The following SLC13A5 variants were observed in gnomAD, a reference collection of about 807,000 sequenced individuals.
The protein encoded by SLC13A5 is solute carrier family 13 member 5, also known as Na(+)/citrate cotransporter.
In SLC13A5, 25 loss-of-function variants were observed where a neutral mutation model predicts 56.5. That is an observed-to-expected ratio of 0.44 (90% CI 0.32 to 0.62). SLC13A5 has a LOEUF of 0.62. SLC13A5 is among the 20% of genes least tolerant of loss of function. The pLI is 0.04. For synonymous variants in SLC13A5, 307 were observed against 301.5 expected (o/e 1.02, Z -0.19); for missense variants, 649 against 737.8 (o/e 0.88, Z 1.39).
chr17:6,703,900 C>T lies in SLC13A5; in HGVS notation c.525G>A (p.Lys175=), dbSNP rs1973788059. The change falls in exon 4 of 12, where the codon AAG becomes AAA. Residue 175 remains lysine (K), a synonymous_variant. Transcript: ENST00000433363. ...CACCTGGCAGCTCCTTGGCCTTGCCCTTGTCCACCAGCTCCAGGCCGGCCT... is the reference window on the plus strand; with the variant it reads ...CACCTGGCAGCTCCTTGGCCTTGCCTTTGTCCACCAGCTCCAGGCCGGCCT... ...ATEAGLELVD[K]GKAKELPGSQ... 1.3e-6 allele frequency: 2 copies of T among 1,569,660 alleles called. No individual in the cohort carries two copies. Among genetic ancestry groups the T allele is most frequent in the South Asian group, 1.2e-5 (1 of 84,432 alleles).
At chr17:6,702,734 G>A (rs970292593) in intron 5 of SLC13A5, among the ~76,000 whole-genome samples, 15 of 152,210 alleles carry the variant, frequency 9.9e-5, no homozygotes, top group African/African-American at 1.4e-4. Context: ...AGACTGGGAC[G>A]TTAGCTCCCC....
chr17:6,686,443 G>C, intron 11 of SLC13A5, 105 bp from the exon 12 acceptor site: 2 of 1,464,262 alleles, frequency 1.4e-6, no homozygotes, highest in Non-Finnish European at 1.9e-6. Flanking sequence ...CCTGTGCCAT[G>C]CTCTGTCCCT....
chr17:6,691,318 C>G (rs892080894), intron 9 of SLC13A5, among the ~76,000 whole-genome samples: 2 of 152,202 alleles, frequency 1.3e-5, no homozygotes, highest in Non-Finnish European at 2.9e-5. Flanking sequence ...GCCCAGCAGG[C>G]TGGGAGTCAT....
At chr17:6,698,771 C>G (rs1973626027) in intron 6 of SLC13A5, among the ~76,000 whole-genome samples, 2 of 152,174 alleles carry the variant, frequency 1.3e-5, no homozygotes, top group Non-Finnish European at 2.9e-5. Context: ...GGCGAGGTGG[C>G]TCACATCTGT....
intron 1 of SLC13A5, among the ~76,000 whole-genome samples, chr17:6,709,936 A>G (rs2151501879): frequency 6.6e-6 from 1 of 152,246 alleles, no homozygotes; most frequent in Non-Finnish European, 1.5e-5. Context: ...TGCCAGTAAG[A>G]CTGTCTCCAG....
intron 3 of SLC13A5, chr17:6,704,392 T>G (rs1371219311): frequency 2.3e-6 from 1 of 441,326 alleles, no homozygotes; most frequent in African/African-American, 2.0e-5. Context: ...AGCCCAGGCA[T>G]CCAGATGGTG....
rs769864794 is a variant in SLC13A5, at chr17:6,707,107, G to A, written c.152C>T (p.Thr51Ile). The A allele has an allele frequency of 1.9e-6, 3 of 1,614,086 alleles. No individual in the cohort carries two copies. Among genetic ancestry groups the A allele is most frequent in the Non-Finnish European group, 1.7e-6 (2 of 1,180,024 alleles). ...GGTGACAGCCAGAGGGATGACTTCT[G>A]TGCACCAGTAAATGGCCATGAGGAT... ...VIILMAIYWC[T>I]EVIPLAVTSL... Residue 51 changes from threonine (T) to isoleucine (I), a missense_variant, in exon 2 of 12, where the codon ACA becomes ATA. Physicochemically the swap from Thr to Ile is moderately conservative, Grantham distance 89 (BLOSUM62 -1). Transcript: ENST00000433363.
chr17:6,686,033 C>A lies in SLC13A5; in HGVS notation c.*174G>T, dbSNP rs1211251584. 29 of 882,762 alleles carry A rather than the reference C, an allele frequency of 3.3e-5. 1 individual carries two copies. In the South Asian group the frequency reaches 4.6e-4, roughly 14 times the overall value. 54.7% of individuals were successfully genotyped at this position (882,762 alleles called of 1,614,324 possible). ...AGCCTACCCTCCAGCTGCCCATGACCATCTCTGCATCTGGGCTTGGAGGAA... is the reference window on the plus strand; with the variant it reads ...AGCCTACCCTCCAGCTGCCCATGACAATCTCTGCATCTGGGCTTGGAGGAA... On this transcript the variant is annotated 3_prime_UTR_variant, in exon 12 of 12. Transcript: ENST00000433363.
At chr17:6,697,116 G>C (rs1034467390) in intron 6 of SLC13A5, among the ~76,000 whole-genome samples, 3 of 152,168 alleles carry the variant, frequency 2.0e-5, no homozygotes, top group African/African-American at 7.2e-5. Context: ...ACACTCTCTA[G>C]ACATCCGGCA....
Position 6,701,882 on chromosome 17 carries a change from G to A in SLC13A5, c.717-756C>T, listed in dbSNP as rs1567621320. On this transcript the variant is annotated intron_variant, in intron 5 of 11. Transcript: ENST00000433363. This position sits in a 1 kb window ranked among gnomAD's most constrained non-coding sequence, Gnocchi z 4.1. ...TTCCCAGAGCGGAGGCTGGAGGAGG[G>A]TCACTTCCACCACAGGCCCCGCCTC... Among the ~76,000 whole-genome samples, 2 of 152,106 alleles carry A rather than the reference G, an allele frequency of 1.3e-5. No individual in the cohort carries two copies. Among genetic ancestry groups the A allele is most frequent in the Non-Finnish European group, 2.9e-5 (2 of 68,014 alleles).
At position 6,687,565 on chromosome 17, in the gene SLC13A5, G is replaced by A. The variant is rs769648065; in HGVS notation, c.1539C>T (p.Ile513=). 3.7e-6 allele frequency: 6 copies of A among 1,613,860 alleles called. No individual in the cohort carries two copies. Among genetic ancestry groups the A allele is most frequent in the South Asian group, 3.3e-5 (3 of 90,972 alleles). Residue 513 remains isoleucine (I), a synonymous_variant, in exon 11 of 12, where the codon ATC becomes ATT. Transcript: ENST00000433363. The surrounding 1 kb of genome is among the most constrained non-coding windows in gnomAD (Gnocchi z 5.0). The stretch of plus-strand genomic sequence containing the variant: ...CCTTGAGGTGCCCATAGGTGAACAC[G>A]ATGGCATTTGGAGGGGTGGCCACAG... ...MLPVATPPNA[I]VFTYGHLKVA...
Position 6,703,920 on chromosome 17 carries a change from C to T in SLC13A5, c.505G>A (p.Gly169Ser), listed in dbSNP as rs199620361. 97 of 1,589,866 alleles carry T rather than the reference C, an allele frequency of 6.1e-5. No homozygotes were observed. Among genetic ancestry groups the T allele is most frequent in the Non-Finnish European group, 7.5e-5 (87 of 1,166,428 alleles). ...TTGCCCTTGTCCACCAGCTCCAGGC[C>T]GGCCTCGGTGGCTGCGCTTGTGGCT... is the stretch of plus-strand genomic sequence containing the variant. ...MEATSAATEAGLELVDKGKAK... is the reference protein window; with the variant it reads ...MEATSAATEASLELVDKGKAK... The change falls in exon 4 of 12, where the codon GGC becomes AGC. Residue 169 changes from glycine to serine, a missense_variant. Gly to Ser is a moderately conservative substitution (Grantham distance 56). Coordinates refer to ENST00000433363, the MANE Select transcript of SLC13A5 (RefSeq NM_177550.5).
chr17:6,702,599 C>T (rs1265670992), intron 5 of SLC13A5, among the ~76,000 whole-genome samples: 3 of 152,190 alleles, frequency 2.0e-5, no homozygotes, highest in East Asian at 1.9e-4. Context: ...CAACCAAGGA[C>T]CCAGCGTCTG....
At position 6,700,250 on chromosome 17, in the gene SLC13A5, T is replaced by C. The variant is rs543438076; in HGVS notation, c.839+754A>G. ...CAGGTCATGGTTTCTGTCCAAAGTC[T>C]GGCTGCCATCAAAGGTGACCCCTGA... On this transcript the variant is annotated intron_variant, in intron 6 of 11. Transcript: ENST00000433363. Among the ~76,000 whole-genome samples, 642 of 152,358 alleles carry C rather than the reference T, an allele frequency of 4.2e-3. 7 individuals are homozygous for C. The highest frequency in any genetic ancestry group is 0.014 in the African/African-American group (600 of 41,580).
At chr17:6,712,341 A>C (rs925867647) in intron 1 of SLC13A5, among the ~76,000 whole-genome samples, 30 of 152,262 alleles carry the variant, frequency 2.0e-4, no homozygotes, top group African/African-American at 7.2e-4. Context: ...AGGAAGGAGC[A>C]GCCAGCAGCC....
intron 7 of SLC13A5, among the ~76,000 whole-genome samples, chr17:6,694,523 C>T (rs573691084): frequency 6.6e-6 from 1 of 152,240 alleles, no homozygotes; most frequent in South Asian, 2.1e-4. Context: ...CAGGCTGAGG[C>T]AGGAGAATTG....
intron 10 of SLC13A5, chr17:6,688,451 G>T (rs1973308289): frequency 6.6e-6 from 1 of 152,142 alleles, no homozygotes; most frequent in Non-Finnish European, 1.5e-5. Context: ...GATAACCAAG[G>T]CTTCATGGTT....
chr17:6,688,760 A>C (rs2150962761), intron 10 of SLC13A5: 1 of 152,312 alleles, frequency 6.6e-6, no homozygotes, highest in African/African-American at 2.4e-5. Flanking sequence ...ACAAGAGTGA[A>C]ACTCTGTCTC....
At chr17:6,707,662 C>T (rs1424989826) in intron 1 of SLC13A5, among the ~76,000 whole-genome samples, 2 of 151,958 alleles carry the variant, frequency 1.3e-5, no homozygotes, top group Non-Finnish European at 2.9e-5. Flanking sequence ...TCGCTCTTGC[C>T]GCCTAGGAGG....
Sources: allele counts gnomAD v4.1 joint callset (sites outside exome capture counted in the v4.1 genomes callset), GRCh38; gene constraint gnomAD v4.1.1; non-coding constraint Gnocchi (gnomAD v3.1); transcripts MANE v1.5; gene names NCBI Gene and HGNC (gene_info 2026-07-23, HGNC 2026-07-21).